The following GAB2 variants were observed in gnomAD, a reference collection of about 807,000 sequenced individuals.
The protein encoded by GAB2 is GRB2 associated binding protein 2.
GAB2 carries 26 observed loss-of-function variants against 65.5 expected under a neutral mutation model. The ratio of observed to expected loss-of-function variants is 0.40; its 90% CI spans 0.29 to 0.55. The LOEUF (loss-of-function observed/expected upper bound fraction) is 0.55, where lower values mean the gene tolerates loss of function less well. Among genes scored for constraint, GAB2 ranks in the 20% least tolerant of loss-of-function variants. GAB2 has a pLI of 0.53. For missense variants in GAB2, 884 were observed against 875.8 expected (o/e 1.01, Z -0.12); for synonymous variants, 321 against 329.6 (o/e 0.97, Z 0.28).
At chr11:78,239,312 C>G (rs1356145096) in intron 3 of GAB2, among the ~76,000 whole-genome samples, 2 of 152,124 alleles carry the variant, frequency 1.3e-5, no homozygotes, top group African/African-American at 2.4e-5. Flanking sequence ...CCTCCACCTC[C>G]TGGGTTCAAG....
In GAB2 at chr11:78,370,256, CAAA is replaced by C. The variant is rs35777026; in HGVS notation, c.75+47387_75+47389del. ...TGGGCGACAGAGCGAGACTCCGTCT[CAAA>C]AAAAAAAAAAAAAAAGAAAAGAAAA... On this transcript the variant is annotated intron_variant, in intron 1 of 9. Coordinates refer to ENST00000361507, the MANE Select transcript of GAB2 (RefSeq NM_080491.3). Among the ~76,000 whole-genome samples the C allele has an allele frequency of 3.4e-4, 34 of 99,154 alleles. 1 individual carries two copies. Among genetic ancestry groups the C allele is most frequent in the East Asian group, 2.0e-3 (8 of 3,934 alleles). The allele number at this position is 99,154 out of a possible 152,430, so 65.0% of individuals were successfully genotyped here.
chr11:78,281,593 G>GA (rs1866337450), intron 1 of GAB2, among the ~76,000 whole-genome samples: 1 of 152,174 alleles, frequency 6.6e-6, no homozygotes, highest in Non-Finnish European at 1.5e-5. Context: ...GTTAAAGACG[G>GA]GGACTGTGGG....
At chr11:78,255,061 T>A (rs907463552) in intron 2 of GAB2, among the ~76,000 whole-genome samples, 5 of 152,114 alleles carry the variant, frequency 3.3e-5, no homozygotes, top group African/African-American at 1.2e-4. Context: ...GAAGTCATAC[T>A]GGATTAGGGT....
chr11:78,231,516 A>G (rs1864853657), intron 3 of GAB2, among the ~76,000 whole-genome samples: 1 of 152,070 alleles, frequency 6.6e-6, no homozygotes, highest in African/African-American at 2.4e-5. Flanking sequence ...CACCTGGCTA[A>G]TTTTTGTATA....
intron 1 of GAB2, among the ~76,000 whole-genome samples, chr11:78,375,157 G>A (rs1355136436): frequency 1.3e-5 from 2 of 152,084 alleles, no homozygotes; most frequent in Non-Finnish European, 2.9e-5. Flanking sequence ...CAATCCTCCC[G>A]CCTCAGCCTC....
At chr11:78,416,735 G>A (rs1337225257) in intron 1 of GAB2, among the ~76,000 whole-genome samples, 1 of 148,122 alleles carries the variant, frequency 6.8e-6, no homozygotes. Flanking sequence ...GCACCATCTT[G>A]TACTTTGACC....
rs1865408819 is a variant in GAB2, at chr11:78,250,155, A to AAAAG, written c.620+1_620+2insCTTT. The AAAAG allele has an allele frequency of 6.2e-7, 1 of 1,612,066 alleles. No individual in the cohort carries two copies. The highest frequency in any genetic ancestry group is 1.7e-5 in the Admixed American group (1 of 59,774). The stretch of plus-strand genomic sequence containing the variant: ...CACCTAATGGCTGTGGCAGCCTCCT[A>AAAAG]CCTTGCATTTTCTGCTCTTCGGCTT... On this transcript the variant is annotated splice_donor_variant, in intron 3 of 9. Coordinates refer to ENST00000361507, the MANE Select transcript of GAB2 (RefSeq NM_080491.3). LOFTEE classifies it high-confidence loss of function.
intron 1 of GAB2, among the ~76,000 whole-genome samples, chr11:78,320,376 A>T (rs1048812380): frequency 1.3e-5 from 2 of 152,074 alleles, no homozygotes; most frequent in African/African-American, 4.8e-5. Flanking sequence ...CAATATTATG[A>T]TCAAGGAAAA....
chr11:78,342,319 A>C lies in GAB2; in HGVS notation c.76-61418T>G, dbSNP rs115251281. Among the ~76,000 whole-genome samples, 1,222 of 152,206 alleles carry C rather than the reference A, an allele frequency of 8.0e-3. 19 individuals are homozygous for C. The highest frequency in any genetic ancestry group is 0.028 in the African/African-American group (1,171 of 41,518). On this transcript the variant is annotated intron_variant, in intron 1 of 9. Coordinates refer to ENST00000361507, the MANE Select transcript of GAB2 (RefSeq NM_080491.3). Reference sequence around the variant, plus strand: ...AACTCCTTCTTCAAGGCTTACCTTAAATGCCACCTCCTCTAGGCTGTTGTC... The same window carrying C: ...AACTCCTTCTTCAAGGCTTACCTTACATGCCACCTCCTCTAGGCTGTTGTC...
chr11:78,316,194 T>C (rs1013303476), intron 1 of GAB2, among the ~76,000 whole-genome samples: 5 of 152,180 alleles, frequency 3.3e-5, no homozygotes, highest in Non-Finnish European at 5.9e-5. Context: ...TTGTTTTCCC[T>C]GGTTTTGAGG....
Position 78,226,894 on chromosome 11 carries a change from C to T in GAB2, c.778G>A (p.Glu260Lys), listed in dbSNP as rs752124938. The T allele has an allele frequency of 6.2e-7, 1 of 1,614,056 alleles. No individual in the cohort carries two copies. The highest frequency in any genetic ancestry group is 1.7e-5 in the Admixed American group (1 of 60,020). The change falls in exon 4 of 10, where the codon GAA (glutamate) becomes AAA (lysine). Residue 260 changes from glutamate to lysine, a missense_variant. By Grantham distance (56) the Glu-to-Lys change is moderately conservative. Transcript: ENST00000361507. ...AGGTCGTAGGTACTGTCTCTGAATT[C>T]TGTATTGTGCCGGCTCGGCTTGGGA... is the stretch of plus-strand genomic sequence containing the variant. The part of the protein sequence containing the change: ...SLPKPSRHNT[E>K]FRDSTYDLPR...
intron 1 of GAB2, among the ~76,000 whole-genome samples, chr11:78,292,327 C>T (rs368809315): frequency 1.2e-4 from 18 of 152,248 alleles, no homozygotes; most frequent in East Asian, 1.2e-3. Flanking sequence ...CCTTCTACAA[C>T]CTTAGCCACA....
At chr11:78,243,450 ACAG>A (rs1204284884) in intron 3 of GAB2, among the ~76,000 whole-genome samples, 1 of 152,142 alleles carries the variant, frequency 6.6e-6, no homozygotes. Context: ...CCTGGGTGAC[ACAG>A]CGAGACTCCG....
chr11:78,231,554 C>T (rs762469950), intron 3 of GAB2, among the ~76,000 whole-genome samples: 38 of 152,134 alleles, frequency 2.5e-4, no homozygotes, highest in Non-Finnish European at 5.0e-4. Context: ...TTCATCATAT[C>T]GGCCATGCTG....
intron 1 of GAB2, among the ~76,000 whole-genome samples, chr11:78,416,746 T>C (rs1191913149): frequency 7.2e-6 from 1 of 139,500 alleles, no homozygotes; most frequent in East Asian, 2.1e-4. Flanking sequence ...TACTTTGACC[T>C]CACCAGGCAA....
rs542580742 is a variant in GAB2 at position 78,280,617 on chromosome 11, C to T, written c.360G>A (p.Gln120=). The change falls in exon 2 of 10, where the codon CAG becomes CAA. Residue 120 remains glutamine (Q), a synonymous_variant. Transcript: ENST00000361507. ...TTCTCATACCTGTGCTCTCCTCAGC[C>T]TGATTGAAGCCACAGATCTGGCAGA... is the stretch of plus-strand genomic sequence containing the variant. ...QSICQICGFN[Q]AEESTDSLRN... 1.9e-6 allele frequency: 3 copies of T among 1,613,886 alleles called. No homozygotes were observed. Among genetic ancestry groups the T allele is most frequent in the East Asian group, 4.5e-5 (2 of 44,882 alleles).
At position 78,223,607 on chromosome 11, in the gene GAB2, C is replaced by G. The variant is rs779083758; in HGVS notation, c.1372G>C (p.Gly458Arg). ...SEDNYVPMNP[G>R]SSTLLAMERA... The stretch of plus-strand genomic sequence containing the variant: ...TCCATGGCCAACAGGGTGGAAGAAC[C>G]TGGATTCATGGGCACATAGTTGTCT... The change falls in exon 6 of 10, where the codon GGT becomes CGT. Residue 458 changes from glycine (G) to arginine (R), a missense_variant. Gly to Arg is a moderately radical substitution (Grantham distance 125). Transcript: ENST00000361507. 5 of 1,613,626 alleles carry G rather than the reference C, an allele frequency of 3.1e-6. No homozygotes were observed. Among genetic ancestry groups the G allele is most frequent in the Non-Finnish European group, 3.4e-6 (4 of 1,179,726 alleles).
At chr11:78,232,541 T>C (rs1389472555) in intron 3 of GAB2, among the ~76,000 whole-genome samples, 1 of 152,252 alleles carries the variant, frequency 6.6e-6, no homozygotes, top group Non-Finnish European at 1.5e-5. Flanking sequence ...ATAGATATTA[T>C]TCTGAATAGT....
At chr11:78,407,758 AAG>A (rs1857073203) in intron 1 of GAB2, among the ~76,000 whole-genome samples, 1 of 151,564 alleles carries the variant, frequency 6.6e-6, no homozygotes, top group African/African-American at 2.4e-5. Flanking sequence ...AAAAGAAAGA[AAG>A]AAAGAAAGAG....
Sources: gnomAD v4.1 joint callset for allele counts (sites outside exome capture counted in the v4.1 genomes callset) on GRCh38, gnomAD v4.1.1 for gene constraint, MANE v1.5 for transcripts, NCBI Gene and HGNC (gene_info 2026-07-23, HGNC 2026-07-21) for gene names.